Variants in CNTNAP2 observed in about 807,000 individuals in gnomAD.
CNTNAP2 encodes contactin-associated protein-like 2.
A neutral mutation model predicts 155.2 loss-of-function variants in CNTNAP2; 98 were observed. The observed-to-expected ratio is 0.63, with a 90% CI of 0.54 to 0.75. CNTNAP2 has a LOEUF of 0.75. Among genes scored for constraint, CNTNAP2 ranks in the 30% least tolerant of loss-of-function variants. The pLI is 0.00. For synonymous variants in CNTNAP2, 651 were observed against 631.2 expected, an observed-to-expected ratio of 1.03 and a Z score of -0.47; for missense variants, 1,727 against 1,688.1, an observed-to-expected ratio of 1.02 and a Z score of -0.40.
At chr7:146,517,703 G>A (rs968313241) in intron 1 of CNTNAP2, among the ~76,000 whole-genome samples, 1 of 151,844 alleles carries the variant, frequency 6.6e-6, no homozygotes, top group African/African-American at 2.4e-5. Flanking sequence ...AGGATTGTCT[G>A]ATGGGCATTA....
intron 1 of CNTNAP2, among the ~76,000 whole-genome samples, chr7:146,681,788 A>G (rs1428612770): frequency 6.6e-6 from 1 of 152,168 alleles, no homozygotes; most frequent in African/African-American, 2.4e-5. Context: ...GGTTTGAAAG[A>G]TTAAGTGCCT....
intron 4 of CNTNAP2, among the ~76,000 whole-genome samples, chr7:147,080,249 A>G (rs914535292): frequency 6.6e-6 from 1 of 152,206 alleles, no homozygotes; most frequent in Non-Finnish European, 1.5e-5. Context: ...TAGTGTTTCA[A>G]GATAATCTCC....
chr7:146,928,740 G>A (rs146673894), intron 3 of CNTNAP2, among the ~76,000 whole-genome samples: 2,062 of 152,292 alleles, frequency 0.014, 45 homozygotes, highest in African/African-American at 0.047. Context: ...CCCTAATACT[G>A]TGCTTTTCCG....
intron 9 of CNTNAP2, among the ~76,000 whole-genome samples, chr7:147,315,971 G>A (rs1332812156): frequency 1.3e-5 from 2 of 151,800 alleles, no homozygotes; most frequent in Non-Finnish European, 2.9e-5. Flanking sequence ...ATATATGTGT[G>A]TATACATATA....
At chr7:147,159,431 TG>T (rs1414811991) in intron 8 of CNTNAP2, among the ~76,000 whole-genome samples, 5 of 152,120 alleles carry the variant, frequency 3.3e-5, no homozygotes, top group African/African-American at 4.8e-5. Context: ...ATCATGTATT[TG>T]GAAAGTCAGA....
At chr7:146,547,145 C>A (rs939741976) in intron 1 of CNTNAP2, among the ~76,000 whole-genome samples, 1 of 151,942 alleles carries the variant, frequency 6.6e-6, no homozygotes, top group South Asian at 2.1e-4. Flanking sequence ...AGGACTTATT[C>A]TACTCCCAAT....
chr7:148,283,441 A>G (rs1442136555), intron 21 of CNTNAP2, among the ~76,000 whole-genome samples: 1 of 152,100 alleles, frequency 6.6e-6, no homozygotes, highest in East Asian at 1.9e-4. Flanking sequence ...ATATTTACAA[A>G]TTCACCTACT....
chr7:147,321,898 T>G (rs908808596), intron 9 of CNTNAP2, among the ~76,000 whole-genome samples: 1 of 152,148 alleles, frequency 6.6e-6, no homozygotes, highest in Non-Finnish European at 1.5e-5. Context: ...TGGTATGAGT[T>G]TGGATTAGGT....
chr7:146,736,959 TAGAG>T (rs1013132085), intron 1 of CNTNAP2, among the ~76,000 whole-genome samples: 30 of 152,234 alleles, frequency 2.0e-4, no homozygotes, highest in African/African-American at 6.7e-4. Context: ...TCAGGTATGT[TAGAG>T]AGAACCAGTA....
chr7:146,581,994 C>G (rs776559903), intron 1 of CNTNAP2, among the ~76,000 whole-genome samples: 1 of 152,024 alleles, frequency 6.6e-6, no homozygotes, highest in Admixed American at 6.6e-5. Context: ...ACAATAATGA[C>G]TATGGCAACA....
At chr7:147,236,580 GTTTT>G (rs554508105) in intron 8 of CNTNAP2, among the ~76,000 whole-genome samples, 1 of 144,982 alleles carries the variant, frequency 6.9e-6, no homozygotes, top group Non-Finnish European at 1.5e-5. Context: ...TTTTTGGTTG[GTTTT>G]TTTTTTCTTT....
At chr7:146,967,846 G>A (rs1021224581) in intron 3 of CNTNAP2, among the ~76,000 whole-genome samples, 1 of 151,910 alleles carries the variant, frequency 6.6e-6, no homozygotes, top group East Asian at 1.9e-4. Context: ...CCAACACTAT[G>A]TTGAATAGGA....
intron 13 of CNTNAP2, among the ~76,000 whole-genome samples, chr7:147,661,289 T>G (rs1795604584): frequency 6.6e-6 from 1 of 152,214 alleles, no homozygotes; most frequent in Non-Finnish European, 1.5e-5. Context: ...CTAAAATTCT[T>G]GAATTTTAAT....
intron 3 of CNTNAP2, among the ~76,000 whole-genome samples, chr7:146,936,977 A>T (rs986002771): frequency 2.0e-5 from 3 of 152,228 alleles, no homozygotes; most frequent in African/African-American, 7.2e-5. Flanking sequence ...GTGTTCATGA[A>T]CATGAGTTCT....
chr7:146,159,706 T>C (rs927427784), intron 1 of CNTNAP2, among the ~76,000 whole-genome samples: 1 of 152,192 alleles, frequency 6.6e-6, no homozygotes, highest in Admixed American at 6.6e-5. Context: ...TAAATATATA[T>C]GCACCCAATA....
intron 8 of CNTNAP2, among the ~76,000 whole-genome samples, chr7:147,282,434 G>A (rs530201970): frequency 6.6e-6 from 1 of 152,062 alleles, no homozygotes; most frequent in East Asian, 1.9e-4. Flanking sequence ...AGAGCAGAGT[G>A]AAGATTGAGA....
At chr7:146,661,247 T>C (rs544226012) in intron 1 of CNTNAP2, among the ~76,000 whole-genome samples, 1 of 152,258 alleles carries the variant, frequency 6.6e-6, no homozygotes, top group Non-Finnish European at 1.5e-5. Context: ...AACCACACTT[T>C]CACTAATTTT....
At chr7:147,546,920 C>A (rs1279319095) in intron 11 of CNTNAP2, among the ~76,000 whole-genome samples, 3 of 152,150 alleles carry the variant, frequency 2.0e-5, no homozygotes, top group East Asian at 1.9e-4. Context: ...CTGAGACTAA[C>A]CCTGCTCTGC....
chr7:146,752,035 T>C (rs1051709497), intron 1 of CNTNAP2, among the ~76,000 whole-genome samples: 1 of 152,166 alleles, frequency 6.6e-6, no homozygotes, highest in Non-Finnish European at 1.5e-5. Flanking sequence ...TTGATGGGCA[T>C]TTCTGTTGGT....
Sources: allele counts gnomAD v4.1 joint callset (sites outside exome capture counted in the v4.1 genomes callset), GRCh38; gene constraint gnomAD v4.1.1; transcripts MANE v1.5; gene names NCBI Gene and HGNC (gene_info 2026-07-23, HGNC 2026-07-21).